Variants in TRIP12 observed in about 807,000 individuals in gnomAD.
The protein encoded by TRIP12 is thyroid hormone receptor interactor 12, also known as E3 ubiquitin-protein ligase TRIP12.
In TRIP12, 25 loss-of-function variants were observed where a neutral mutation model predicts 244.2. That is an observed-to-expected ratio of 0.10 (90% CI 0.07 to 0.14). The LOEUF (loss-of-function observed/expected upper bound fraction) is 0.14, where lower values mean the gene tolerates loss of function less well. Among genes scored for constraint, TRIP12 ranks in the 10% least tolerant of loss-of-function variants. The pLI, the probability that TRIP12 is intolerant of heterozygous loss-of-function variation, is 1.00. For missense variants in TRIP12, 1,677 were observed against 2,486.4 expected, an observed-to-expected ratio of 0.67 and a Z score of 6.92; for synonymous variants, 905 against 873.1, an observed-to-expected ratio of 1.04 and a Z score of -0.64.
chr2:229,789,947 C>T (rs566154392), intron 30 of TRIP12, among the ~76,000 whole-genome samples, 185 bp from the exon 31 acceptor site: 1 of 152,258 alleles, frequency 6.6e-6, no homozygotes, highest in South Asian at 2.1e-4. Context: ...AGTGCCTTGG[C>T]TTATAAAAAT....
chr2:229,839,861 G>T (rs970820373), intron 5 of TRIP12, among the ~76,000 whole-genome samples: 6 of 152,274 alleles, frequency 3.9e-5, no homozygotes, highest in African/African-American at 1.4e-4. Context: ...AAAAGTATAT[G>T]AAATATTAAC....
intron 34 of TRIP12, among the ~76,000 whole-genome samples, chr2:229,784,077 T>C (rs1249557560): frequency 3.6e-5 from 5 of 137,150 alleles, no homozygotes; most frequent in Non-Finnish European, 6.1e-5. Context: ...GCCATTGCAC[T>C]CCAGCCTGGG....
At chr2:229,819,284 C>T (rs2154288264) in intron 8 of TRIP12, among the ~76,000 whole-genome samples, 1 of 152,292 alleles carries the variant, frequency 6.6e-6, no homozygotes, top group South Asian at 2.1e-4. Flanking sequence ...GTGGCTCATG[C>T]CTGTAATCCA....
upstream of TRIP12, among the ~76,000 whole-genome samples, chr2:229,922,858 T>C (rs1366174042): frequency 6.6e-6 from 1 of 152,174 alleles, no homozygotes; most frequent in Non-Finnish European, 1.5e-5. Context: ...CGCGTGCTCC[T>C]TTCCCGCCAC....
At chr2:229,827,795 A>C (rs976729208) in intron 8 of TRIP12, among the ~76,000 whole-genome samples, 14 of 152,188 alleles carry the variant, frequency 9.2e-5, no homozygotes, top group Non-Finnish European at 1.5e-4. Flanking sequence ...AAAATTCGTA[A>C]AGTTTCTTAA....
At chr2:229,876,867 T>C (rs775170996) in intron 2 of TRIP12, among the ~76,000 whole-genome samples, 1 of 152,058 alleles carries the variant, frequency 6.6e-6, no homozygotes, top group African/African-American at 2.4e-5. Flanking sequence ...TCTACATGTG[T>C]CTTGTGATGA....
intron 1 of TRIP12, among the ~76,000 whole-genome samples, chr2:229,916,192 A>G (rs1406944983): frequency 6.6e-6 from 1 of 152,208 alleles, no homozygotes; most frequent in Non-Finnish European, 1.5e-5. Context: ...GTAATAATCA[A>G]ATTTTTCAGA....
chr2:229,874,900 C>G (rs935280264), intron 2 of TRIP12, among the ~76,000 whole-genome samples: 1 of 152,120 alleles, frequency 6.6e-6, no homozygotes, highest in East Asian at 1.9e-4. Context: ...AAATTCAATC[C>G]TACCACTGCC....
chr2:229,871,196 G>A (rs2062532460), intron 2 of TRIP12, among the ~76,000 whole-genome samples: 1 of 146,588 alleles, frequency 6.8e-6, no homozygotes, highest in African/African-American at 2.7e-5. Flanking sequence ...GGGGAGGAGA[G>A]GGGAGGGGAG....
chr2:229,802,281 C>T lies in TRIP12; in HGVS notation c.3177G>A (p.Arg1059=), dbSNP rs1324472139. 6.2e-7 allele frequency: 1 copy of T among 1,609,370 alleles called. No individual in the cohort carries two copies. Among genetic ancestry groups the T allele is most frequent in the Non-Finnish European group, 8.5e-7 (1 of 1,176,676 alleles). The part of the protein sequence containing the change: ...DLGSPSLQHS[R]DDSLDLSPQG... ...GAGGGCTGAGATCTAAAGAATCATC[C>T]CTGCTGTGCTGCAAGCTGGGTGATC... Residue 1059 remains arginine, a synonymous_variant, in exon 21 of 42, where the codon AGG becomes AGA. Transcript: ENST00000675903.
intron 1 of TRIP12, among the ~76,000 whole-genome samples, chr2:229,910,376 G>A (rs996724976): frequency 2.6e-5 from 4 of 152,070 alleles, no homozygotes; most frequent in African/African-American, 9.7e-5. Flanking sequence ...TAACACTATG[G>A]CTGAATATCA....
At chr2:229,892,405 A>C (rs1216717249) in intron 1 of TRIP12, among the ~76,000 whole-genome samples, 2 of 152,172 alleles carry the variant, frequency 1.3e-5, no homozygotes. Flanking sequence ...AGAAGTAGTA[A>C]AAAGTACCTA....
chr2:229,887,345 A>G (rs2066247507), intron 1 of TRIP12, among the ~76,000 whole-genome samples: 1 of 152,240 alleles, frequency 6.6e-6, no homozygotes, highest in Non-Finnish European at 1.5e-5. Context: ...TTGAAATGCT[A>G]GAGCAGTGAG....
chr2:229,811,701 A>C (rs1005818689), intron 13 of TRIP12, among the ~76,000 whole-genome samples: 1 of 152,228 alleles, frequency 6.6e-6, no homozygotes, highest in Non-Finnish European at 1.5e-5. Context: ...TACACTATGA[A>C]AACAATTTGC....
chr2:229,846,006 C>CT (rs1282702024), intron 4 of TRIP12, among the ~76,000 whole-genome samples: 2 of 68,506 alleles, frequency 2.9e-5, no homozygotes, highest in Non-Finnish European at 6.0e-5. Context: ...GAGAGCCTCT[C>CT]TTTTTTTCAA....
chr2:229,894,978 C>T (rs567602942), intron 1 of TRIP12, among the ~76,000 whole-genome samples: 1 of 152,252 alleles, frequency 6.6e-6, no homozygotes, highest in South Asian at 2.1e-4. Context: ...TCGGAAAATG[C>T]TACACATAAT....
chr2:229,837,110 G>C (rs1193406219), intron 5 of TRIP12, 126 bp from the exon 6 acceptor site: 5 of 1,031,688 alleles, frequency 4.8e-6, no homozygotes, highest in South Asian at 6.8e-5. Context: ...TTAAATAAAA[G>C]TAAGTGCACA....
At chr2:229,809,394 A>C (rs564181321) in intron 15 of TRIP12, among the ~76,000 whole-genome samples, 1 of 152,222 alleles carries the variant, frequency 6.6e-6, no homozygotes, top group Non-Finnish European at 1.5e-5. Context: ...ACAGTAAACA[A>C]CTATGGTGAC....
intron 1 of TRIP12, among the ~76,000 whole-genome samples, chr2:229,884,267 T>G (rs2065515583): frequency 6.7e-6 from 1 of 148,234 alleles, no homozygotes; most frequent in Admixed American, 6.7e-5. Flanking sequence ...GACAGAGCCT[T>G]GCTCTGTTGC....
Sources: allele counts gnomAD v4.1 joint callset (sites outside exome capture counted in the v4.1 genomes callset), GRCh38; gene constraint gnomAD v4.1.1; transcripts MANE v1.5; gene names NCBI Gene and HGNC (gene_info 2026-07-23, HGNC 2026-07-21).